SH3GL1: variants seen among roughly 807,000 people sequenced by gnomAD.
The protein encoded by SH3GL1 is endophilin-A2.
SH3GL1 carries 21 observed loss-of-function variants against 48.8 expected under a neutral mutation model. The ratio of observed to expected loss-of-function variants is 0.43; its 90% CI spans 0.30 to 0.62. SH3GL1 has a LOEUF of 0.62. SH3GL1 is among the 20% of genes least tolerant of loss of function. SH3GL1 has a pLI of 0.11. For missense variants in SH3GL1, 454 were observed against 503.0 expected (o/e 0.90, Z 0.93); for synonymous variants, 282 against 217.5 (o/e 1.30, Z -2.61).
Position 4,361,465 on chromosome 19 carries a change from C to T in SH3GL1, c.*135G>A. On this transcript the variant is annotated 3_prime_UTR_variant, in exon 10 of 10. Coordinates refer to ENST00000269886, the MANE Select transcript of SH3GL1 (RefSeq NM_003025.4). ...GTGTGGGGTCCTGCTCAGGGAGTAC[C>T]TCAAGGGCCGGGGCCCAGGTGGCGC... 6.0e-6 allele frequency: 4 copies of T among 668,940 alleles called. No individual in the cohort carries two copies. Among genetic ancestry groups the T allele is most frequent in the Non-Finnish European group, 1.0e-5 (4 of 390,902 alleles). 41.4% of individuals were successfully genotyped at this position (668,940 alleles called of 1,614,324 possible).
chr19:4,372,695 A>G (rs1972926603), intron 1 of SH3GL1, among the ~76,000 whole-genome samples: 1 of 152,194 alleles, frequency 6.6e-6, no homozygotes. Context: ...GGCCACCTCG[A>G]GTCCATCACA....
At chr19:4,384,122 A>G (rs1379838190) in intron 1 of SH3GL1, among the ~76,000 whole-genome samples, 3 of 152,172 alleles carry the variant, frequency 2.0e-5, no homozygotes, top group Non-Finnish European at 4.4e-5. Context: ...GCGCGGCCTC[A>G]CTGTACACAA....
intron 4 of SH3GL1, 31 bp downstream of exon 4, chr19:4,365,451 G>C: frequency 6.2e-7 from 1 of 1,612,404 alleles, no homozygotes; most frequent in Non-Finnish European, 8.5e-7. Context: ...TCCAGGGACG[G>C]TGGGCGTGGC....
chr19:4,381,123 C>T (rs908421864), intron 1 of SH3GL1, among the ~76,000 whole-genome samples: 2 of 116,582 alleles, frequency 1.7e-5, no homozygotes, highest in Admixed American at 1.7e-4. Flanking sequence ...CCCCCTGCCT[C>T]TCTCTATCCC....
chr19:4,361,048 A>G lies in SH3GL1; in HGVS notation c.*552T>C. 4.3e-6 allele frequency: 1 copy of G among 234,554 alleles called. No individual in the cohort carries two copies. Among genetic ancestry groups the G allele is most frequent in the Non-Finnish European group, 8.4e-6 (1 of 119,126 alleles). 14.5% of individuals were successfully genotyped at this position (234,554 alleles called of 1,614,324 possible). On this transcript the variant is annotated 3_prime_UTR_variant, in exon 10 of 10. Coordinates refer to ENST00000269886, the MANE Select transcript of SH3GL1 (RefSeq NM_003025.4). ...GCCCTCTGCCCTGGCCTTGAGGAGA[A>G]GGAGTGCGTGTGTGAGGCGGGGGTG...
chr19:4,365,491 A>C lies in SH3GL1; in HGVS notation c.322T>G (p.Ser108Ala). ...IRHGKELGGE[S>A]NFGDALLDAG... ...AGAGAGCACCACTCACCAAAGTTGG[A>C]CTCGCCGCCCAGCTCCTTCCCGTGG... Residue 108 changes from serine (S) to alanine (A), a missense_variant, in exon 4 of 10, where the codon TCC becomes GCC. Ser to Ala is a moderately conservative substitution (Grantham distance 99, BLOSUM62 1). This residue lies in a region of SH3GL1 where 176 missense variants were observed against 256.2 expected (regional missense o/e 0.69). Coordinates refer to ENST00000269886, the MANE Select transcript of SH3GL1 (RefSeq NM_003025.4). The C allele has an allele frequency of 6.2e-7, 1 of 1,613,512 alleles. No individual in the cohort carries two copies. Among genetic ancestry groups the C allele is most frequent in the Non-Finnish European group, 8.5e-7 (1 of 1,179,982 alleles).
rs1040250017 is a variant in SH3GL1 at position 4,361,654 on chromosome 19, C to G, written c.1053G>C (p.Gln351His). 5.0e-6 allele frequency: 8 copies of G among 1,611,186 alleles called. No individual in the cohort carries two copies. Among genetic ancestry groups the G allele is most frequent in the Admixed American group, 1.7e-5 (1 of 59,978 alleles). The change falls in exon 10 of 10, where the codon CAG becomes CAC. Residue 351 changes from glutamine to histidine, a missense_variant. Physicochemically the swap from Gln to His is conservative, Grantham distance 24. Around this residue, in one of 2 missense-constraint regions of SH3GL1, gnomAD observed 278 missense variants for 246.8 expected, o/e 1.13. Transcript: ENST00000269886. Reference protein sequence around the residue: ...ENWYEGMLDGQSGFFPLSYVE... With the variant: ...ENWYEGMLDGHSGFFPLSYVE... ...CGTAGCTGAGCGGGAAGAAGCCCGA[C>G]TGGCCGTCCAGCATGCCCTCGTACC... is the stretch of plus-strand genomic sequence containing the variant.
At position 4,387,891 on chromosome 19, in the gene SH3GL1, C is replaced by T. The variant is rs139373977; in HGVS notation, c.45+12433G>A. ...TTTTTGTTTTTTTGAGACAGAGTCT[C>T]GCTCTGTCGCCAGGCTGGAGTGCAC... On this transcript the variant is annotated intron_variant, in intron 1 of 9. Coordinates refer to ENST00000269886, the MANE Select transcript of SH3GL1 (RefSeq NM_003025.4). Among the ~76,000 whole-genome samples, 23 of 152,046 alleles carry T rather than the reference C, an allele frequency of 1.5e-4. No individual in the cohort carries two copies. In the East Asian group the frequency reaches 2.3e-3, roughly 15 times the overall value.
At position 4,400,207 on chromosome 19, in the gene SH3GL1, C is replaced by A; in HGVS notation, c.45+117G>T. 8.8e-7 allele frequency: 1 copy of A among 1,134,598 alleles called. No homozygotes were observed. The highest frequency in any genetic ancestry group is 1.5e-5 in the South Asian group (1 of 68,588). The allele number at this position is 1,134,598 out of a possible 1,614,324, so 70.3% of individuals were successfully genotyped here. A position where few individuals can be genotyped will look rare whatever the true frequency, so the allele number is the denominator to read the frequency against. On this transcript the variant is annotated intron_variant, in intron 1 of 9. Transcript: ENST00000269886. This position sits in a 1 kb window ranked among gnomAD's most constrained non-coding sequence, Gnocchi z 4.1. ...TGGTCTTCCCACCTGGCAGGGGACA[C>A]GCGCCAACGTCCCCACCTCGGTCCC...
At chr19:4,369,397 G>A (rs867734569) in intron 1 of SH3GL1, among the ~76,000 whole-genome samples, 4 of 152,248 alleles carry the variant, frequency 2.6e-5, no homozygotes, top group Non-Finnish European at 4.4e-5. Flanking sequence ...TGAAGCCAGC[G>A]GGCTGCGAAA....
chr19:4,372,769 C>T lies in SH3GL1; in HGVS notation c.46-5775G>A, dbSNP rs1363844830. Among the ~76,000 whole-genome samples, 4 of 152,308 alleles carry T rather than the reference C, an allele frequency of 2.6e-5. 1 individual carries two copies. The highest frequency in any genetic ancestry group is 4.1e-4 in the South Asian group (2 of 4,828). On this transcript the variant is annotated intron_variant, in intron 1 of 9. Coordinates refer to ENST00000269886, the MANE Select transcript of SH3GL1 (RefSeq NM_003025.4). ...AGCCTGGAGGCGGCCTGCTGCCCAG[C>T]GACACAGGAAGCCACTGGCCTTCGT... is the stretch of plus-strand genomic sequence containing the variant.
intron 1 of SH3GL1, among the ~76,000 whole-genome samples, chr19:4,373,174 G>C (rs560455507): frequency 6.6e-6 from 1 of 152,318 alleles, no homozygotes; most frequent in East Asian, 1.9e-4. Flanking sequence ...ACCCTCACAG[G>C]TGCCAGGTGA....
chr19:4,360,814 G>A lies in SH3GL1; in HGVS notation c.*786C>T. 1 of 234,110 alleles carries A rather than the reference G, an allele frequency of 4.3e-6. No individual in the cohort carries two copies. Among genetic ancestry groups the A allele is most frequent in the African/African-American group, 2.2e-5 (1 of 45,474 alleles). 14.5% of individuals were successfully genotyped at this position (234,110 alleles called of 1,614,324 possible). A position where few individuals can be genotyped will look rare whatever the true frequency, so the allele number is the denominator to read the frequency against. On this transcript the variant is annotated 3_prime_UTR_variant, in exon 10 of 10. Coordinates refer to ENST00000269886, the MANE Select transcript of SH3GL1 (RefSeq NM_003025.4). ...GAGGTGTGCTGGGGTGGGTGTGGGT[G>A]GCTGGTGGTGGCAGCTTGTGCCAGA...
chr19:4,366,633 C>T (rs989299802), intron 2 of SH3GL1, 60 bp from the exon 3 acceptor site: 2 of 1,473,340 alleles, frequency 1.4e-6, no homozygotes, highest in Non-Finnish European at 1.9e-6. Flanking sequence ...GCACACAAGA[C>T]CCCCGCTGCT....
chr19:4,364,916 A>ATATATTTTTTTT (rs1450528018), intron 4 of SH3GL1, among the ~76,000 whole-genome samples: 4 of 116,220 alleles, frequency 3.4e-5, no homozygotes, highest in African/African-American at 1.5e-4. Context: ...ATATATATAT[A>ATATATTTTTTTT]TTTTTTTTTT....
chr19:4,383,649 C>T (rs1973180418), intron 1 of SH3GL1, among the ~76,000 whole-genome samples: 2 of 152,220 alleles, frequency 1.3e-5, no homozygotes, highest in African/African-American at 2.4e-5. Context: ...CTCTGTGAGG[C>T]TCATCCCAGC....
chr19:4,368,856 G>C (rs894262144), intron 1 of SH3GL1, among the ~76,000 whole-genome samples: 1 of 152,196 alleles, frequency 6.6e-6, no homozygotes, highest in African/African-American at 2.4e-5. Context: ...CGGATCATGA[G>C]GTCAGGAGAT....
At position 4,367,033 on chromosome 19, in the gene SH3GL1, G is replaced by A; in HGVS notation, c.46-39C>T. ...GAGGGGAAACGCTGTGAGCCCAGGG[G>A]TAGGAGGAAGAAGAGGACAGGAGGC... On this transcript the variant is annotated intron_variant, in intron 1 of 9. Coordinates refer to ENST00000269886, the MANE Select transcript of SH3GL1 (RefSeq NM_003025.4). The surrounding 1 kb of genome is among the most constrained non-coding windows in gnomAD (Gnocchi z 4.2). 6.3e-7 allele frequency: 1 copy of A among 1,594,224 alleles called. No individual in the cohort carries two copies. The highest frequency in any genetic ancestry group is 8.6e-7 in the Non-Finnish European group (1 of 1,162,024).
At chr19:4,380,544 G>A (rs1459791874) in intron 1 of SH3GL1, among the ~76,000 whole-genome samples, 1 of 152,184 alleles carries the variant, frequency 6.6e-6, no homozygotes, top group Non-Finnish European at 1.5e-5. Context: ...GTTTGGAAGT[G>A]CCCGTTTGGA....
Sources: gnomAD v4.1 joint callset for allele counts (sites outside exome capture counted in the v4.1 genomes callset) on GRCh38, gnomAD v4.1.1 for gene constraint, gnomAD v4.1.1 regional missense constraint, Gnocchi (gnomAD v3.1) non-coding constraint, MANE v1.5 for transcripts, NCBI Gene and HGNC (gene_info 2026-07-23, HGNC 2026-07-21) for gene names.